Variants in TRPM3 observed in about 807,000 individuals in gnomAD.
The protein encoded by TRPM3 is transient receptor potential cation channel subfamily M member 3, also known as long transient receptor potential channel 3.
A neutral mutation model predicts 181.2 loss-of-function variants in TRPM3; 77 were observed. That is an observed-to-expected ratio of 0.42 (90% CI 0.35 to 0.51). The LOEUF (loss-of-function observed/expected upper bound fraction) is 0.51, where lower values mean the gene tolerates loss of function less well. Ranked by LOEUF, TRPM3 falls within the 20% of genes least tolerant of loss-of-function variation. TRPM3 has a pLI of 0.01. For synonymous variants in TRPM3, 745 were observed against 796.4 expected, an observed-to-expected ratio of 0.94 and a Z score of 1.09; for missense variants, 1,759 against 2,196.7, an observed-to-expected ratio of 0.80 and a Z score of 3.98.
At chr9:71,186,064 C>T (rs1786056001) in intron 1 of TRPM3, among the ~76,000 whole-genome samples, 1 of 151,972 alleles carries the variant, frequency 6.6e-6, no homozygotes, top group African/African-American at 2.4e-5. Context: ...TTTGCAGCTG[C>T]ATAACTCTAA....
intron 1 of TRPM3, among the ~76,000 whole-genome samples, chr9:70,923,801 A>T (rs2096684951): frequency 2.3e-5 from 3 of 133,092 alleles, no homozygotes; most frequent in Non-Finnish European, 4.9e-5. Context: ...ACACACACAC[A>T]CACTCTCTCT....
chr9:70,987,231 G>A (rs183855245), intron 1 of TRPM3, among the ~76,000 whole-genome samples: 39 of 152,128 alleles, frequency 2.6e-4, no homozygotes, highest in Admixed American at 2.2e-3. Context: ...AACAAAAACT[G>A]TTGGGCATTT....
chr9:71,382,156 A>G lies in TRPM3; in HGVS notation c.183+64497T>C, dbSNP rs1056465595. 9.9e-5 allele frequency among the ~76,000 whole-genome samples: 15 copies of G among 152,174 alleles called. 1 individual carries two copies. Among genetic ancestry groups the G allele is most frequent in the African/African-American group, 3.4e-4 (14 of 41,462 alleles). Reference sequence around the variant, plus strand: ...AGCATTATTAGCTATATAGCCTTGTATAAGATTTAGTTTCTCAAAACTCCA... The same window carrying G: ...AGCATTATTAGCTATATAGCCTTGTGTAAGATTTAGTTTCTCAAAACTCCA... On this transcript the variant is annotated intron_variant, in intron 1 of 24. Transcript: ENST00000357533.
intron 6 of TRPM3, among the ~76,000 whole-genome samples, chr9:70,805,206 G>T (rs1223295223): frequency 6.6e-6 from 1 of 150,778 alleles, no homozygotes; most frequent in African/African-American, 2.4e-5. Context: ...AGGAGGGTGG[G>T]GTGAGAGAGA....
At chr9:70,590,863 T>C (rs989480357) in intron 22 of TRPM3, 168 bp downstream of exon 22, 2 of 781,698 alleles carry the variant, frequency 2.6e-6, no homozygotes, top group South Asian at 1.8e-5. Flanking sequence ...TTTGCTAAAA[T>C]TGTGTATTCA....
intron 1 of TRPM3, among the ~76,000 whole-genome samples, chr9:71,396,159 C>T (rs999909400): frequency 3.3e-5 from 5 of 152,100 alleles, no homozygotes; most frequent in African/African-American, 4.8e-5. Flanking sequence ...TCTGCTCTGC[C>T]TTGTGATATT....
chr9:70,814,475 A>G (rs1263010740), intron 6 of TRPM3, among the ~76,000 whole-genome samples: 1 of 152,214 alleles, frequency 6.6e-6, no homozygotes, highest in African/African-American at 2.4e-5. Flanking sequence ...GAATACACCT[A>G]GGCTTTTAGT....
Position 70,536,293 on chromosome 9 carries a change from G to C in TRPM3, c.4820C>G (p.Ser1607Cys). The change falls in exon 26 of 26, where the codon TCT (serine) becomes TGT (cysteine). Residue 1607 changes from serine (S) to cysteine (C), a missense_variant. Transcript: ENST00000677713. ...TTTGGCCTCATTCTCCTCACTGTCA[G>C]AGCTGGGGTGACTCAGTTCTGCTTC... The part of the protein sequence containing the change: ...EREAELSHPS[S>C]DSEENEAKGR... 1 of 1,614,178 alleles carries C rather than the reference G, an allele frequency of 6.2e-7. No homozygotes were observed. The highest frequency in any genetic ancestry group is 1.3e-5 in the African/African-American group (1 of 75,046).
At chr9:71,132,817 A>G in intron 1 of TRPM3, among the ~76,000 whole-genome samples, 1 of 152,286 alleles carries the variant, frequency 6.6e-6, no homozygotes, top group East Asian at 1.9e-4. Context: ...ACATGAATTG[A>G]TGTCCATATT....
intron 1 of TRPM3, among the ~76,000 whole-genome samples, chr9:71,314,318 A>G (rs763413417): frequency 1.4e-4 from 22 of 152,152 alleles, no homozygotes; most frequent in Non-Finnish European, 2.6e-4. Context: ...GCATTTTATC[A>G]AACTTATTTT....
intron 1 of TRPM3, among the ~76,000 whole-genome samples, chr9:70,969,756 TTATATATATATA>T (rs78938143): frequency 0.33 from 42,237 of 126,738 alleles, 6,810 homozygotes; most frequent in Middle Eastern, 0.4. Flanking sequence ...CTGAATGATT[TTATATATATATA>T]TATATATATA....
chr9:70,833,865 G>A (rs2094122387), intron 5 of TRPM3, among the ~76,000 whole-genome samples: 1 of 152,140 alleles, frequency 6.6e-6, no homozygotes, highest in East Asian at 1.9e-4. Flanking sequence ...AGAAACAAAA[G>A]GAGTGGGGGG....
chr9:70,556,533 T>TCAACATGG (rs2047746994), intron 22 of TRPM3, among the ~76,000 whole-genome samples: 2 of 152,102 alleles, frequency 1.3e-5, no homozygotes, highest in South Asian at 4.2e-4. Context: ...ACCAGCCTGG[T>TCAACATGG]CAACATGGCA....
At chr9:70,635,347 T>C in intron 11 of TRPM3, 86 bp from the exon 12 acceptor site, 2 of 1,200,828 alleles carry the variant, frequency 1.7e-6, no homozygotes, top group Admixed American at 1.8e-5. Context: ...GGAAGGGTGC[T>C]GGCTGGTGGA....
At chr9:71,190,940 G>A (rs2077983177) in intron 1 of TRPM3, among the ~76,000 whole-genome samples, 1 of 151,820 alleles carries the variant, frequency 6.6e-6, no homozygotes, top group African/African-American at 2.4e-5. Context: ...TGTTTCACTA[G>A]ACATAAGCTT....
intron 1 of TRPM3, among the ~76,000 whole-genome samples, chr9:71,318,441 G>A (rs1352938634): frequency 6.6e-6 from 1 of 152,106 alleles, no homozygotes; most frequent in Non-Finnish European, 1.5e-5. Flanking sequence ...GGTGAAACAA[G>A]TGTTTTATTT....
chr9:70,690,744 A>G (rs1228290458), intron 8 of TRPM3, among the ~76,000 whole-genome samples: 1 of 152,156 alleles, frequency 6.6e-6, no homozygotes, highest in Non-Finnish European at 1.5e-5. Context: ...GAAATGATAC[A>G]AGACTCTTGA....
chr9:70,651,000 C>A (rs9792627), intron 9 of TRPM3, among the ~76,000 whole-genome samples: 23,051 of 152,132 alleles, frequency 0.15, 2,317 homozygotes, highest in East Asian at 0.4. Context: ...AAATTTTTCT[C>A]CACTTTTTAT....
At chr9:71,288,927 T>C (rs2085533908) in intron 1 of TRPM3, among the ~76,000 whole-genome samples, 1 of 151,826 alleles carries the variant, frequency 6.6e-6, no homozygotes, top group Non-Finnish European at 1.5e-5. Flanking sequence ...TAGGTGGAAA[T>C]AGGGGGGAAA....
Sources: allele counts gnomAD v4.1 joint callset (sites outside exome capture counted in the v4.1 genomes callset), GRCh38; gene constraint gnomAD v4.1.1; transcripts MANE v1.5; gene names NCBI Gene and HGNC (gene_info 2026-07-23, HGNC 2026-07-21).